The following CEP170 variants were observed in gnomAD, a reference collection of about 807,000 sequenced individuals.
CEP170 encodes centrosomal protein 170.
In CEP170, 21 loss-of-function variants were observed where a neutral mutation model predicts 151.9. The observed-to-expected ratio is 0.14, with a 90% CI of 0.10 to 0.20. The LOEUF is 0.20. Ranked by LOEUF, CEP170 falls within the 10% of genes least tolerant of loss-of-function variation. The probability of loss-of-function intolerance (pLI) is 1.00; values close to 1 mark genes in which losing one functional copy is unlikely to be tolerated. For missense variants in CEP170, 964 were observed against 1,892.9 expected (o/e 0.51, Z 9.11); for synonymous variants, 356 against 648.8 (o/e 0.55, Z 6.86).
chr1:243,205,900 C>A (rs1326785674), intron 4 of CEP170, among the ~76,000 whole-genome samples: 5 of 144,766 alleles, frequency 3.5e-5, no homozygotes, highest in Non-Finnish European at 7.6e-5. Flanking sequence ...CAACAAACCC[C>A]AAGGGAGGAA....
intron 12 of CEP170, among the ~76,000 whole-genome samples, chr1:243,167,978 T>C (rs1367694271): frequency 2.0e-5 from 3 of 152,022 alleles, no homozygotes; most frequent in South Asian, 4.1e-4. Flanking sequence ...TATGATGACA[T>C]AGAAATGAGA....
intron 1 of CEP170, among the ~76,000 whole-genome samples, chr1:243,247,889 T>C (rs2065570786): frequency 6.6e-6 from 1 of 152,200 alleles, no homozygotes; most frequent in Non-Finnish European, 1.5e-5. Context: ...ATACCTTTCA[T>C]TTGGTTTTTA....
chr1:243,199,590 C>T (rs1049956276), intron 6 of CEP170, among the ~76,000 whole-genome samples: 1 of 152,050 alleles, frequency 6.6e-6, no homozygotes, highest in Non-Finnish European at 1.5e-5. Context: ...AAGAACAAAA[C>T]CAGTCTGATC....
intron 4 of CEP170, among the ~76,000 whole-genome samples, chr1:243,205,890 C>T (rs1031707652): frequency 6.9e-6 from 1 of 144,946 alleles, no homozygotes; most frequent in Non-Finnish European, 1.5e-5. Flanking sequence ...TTTAGAAGGT[C>T]AACAAACCCC....
chr1:243,241,773 T>C (rs1281328710), intron 1 of CEP170, among the ~76,000 whole-genome samples: 1 of 147,108 alleles, frequency 6.8e-6, no homozygotes, highest in South Asian at 2.2e-4. Flanking sequence ...CTGGACAACA[T>C]AGTGAGACTC....
chr1:243,220,138 C>A (rs1257738007), intron 3 of CEP170, among the ~76,000 whole-genome samples: 1 of 152,164 alleles, frequency 6.6e-6, no homozygotes, highest in East Asian at 1.9e-4. Flanking sequence ...GCCTTTGTTT[C>A]ATCTCTTCAA....
At chr1:243,213,349 C>T (rs977077237) in intron 3 of CEP170, among the ~76,000 whole-genome samples, 12 of 152,202 alleles carry the variant, frequency 7.9e-5, no homozygotes, top group Admixed American at 2.0e-4. Context: ...AATCTTTATA[C>T]ATTTTGGGGT....
At chr1:243,222,005 A>G (rs6662118) in intron 2 of CEP170, among the ~76,000 whole-genome samples, 192 bp from the exon 3 acceptor site, 67,094 of 152,072 alleles carry the variant, frequency 0.44, 16,086 homozygotes, top group African/African-American at 0.64. Context: ...AAAGAGGAAA[A>G]CATAAAATTT....
intron 14 of CEP170, among the ~76,000 whole-genome samples, chr1:243,144,978 A>G (rs1213233637): frequency 6.6e-6 from 1 of 152,192 alleles, no homozygotes; most frequent in Non-Finnish European, 1.5e-5. Flanking sequence ...TGGTGAGATA[A>G]CATGAGAAAT....
chr1:243,233,082 T>C (rs531662952), intron 1 of CEP170, among the ~76,000 whole-genome samples: 1 of 152,334 alleles, frequency 6.6e-6, no homozygotes, highest in Non-Finnish European at 1.5e-5. Context: ...TATAGTCCTC[T>C]TCGGTTGTCT....
At chr1:243,238,044 G>A (rs1402308723) in intron 1 of CEP170, among the ~76,000 whole-genome samples, 4 of 152,144 alleles carry the variant, frequency 2.6e-5, no homozygotes, top group Admixed American at 2.6e-4. Context: ...TTAGGCTATG[G>A]ATGTTTAAAG....
intron 14 of CEP170, among the ~76,000 whole-genome samples, chr1:243,152,443 A>C (rs1206278943): frequency 1.3e-5 from 2 of 148,372 alleles, no homozygotes; most frequent in Non-Finnish European, 3.0e-5. Flanking sequence ...AGATCGTCTC[A>C]ATCTCCTGAC....
rs1572091201 is a variant in CEP170 at position 243,126,352 on chromosome 1, T to C, written c.*97A>G. 1.2e-5 allele frequency: 15 copies of C among 1,237,048 alleles called. No individual in the cohort carries two copies. In the East Asian group the frequency reaches 3.8e-4, roughly 31 times the overall value. 76.6% of individuals were successfully genotyped at this position (1,237,048 alleles called of 1,614,324 possible). A position where few individuals can be genotyped will look rare whatever the true frequency, so the allele number is the denominator to read the frequency against. On this transcript the variant is annotated 3_prime_UTR_variant, in exon 20 of 20. Transcript: ENST00000366542. The stretch of plus-strand genomic sequence containing the variant: ...AAGACAGGGATTCCAAGATTGTAGC[T>C]GACCAAGCTGTCTTGTTTTGCGTAC...
At chr1:243,127,364 C>A (rs538641442) in intron 19 of CEP170, among the ~76,000 whole-genome samples, 1 of 152,232 alleles carries the variant, frequency 6.6e-6, no homozygotes, top group Admixed American at 6.5e-5. Context: ...AGCTTTCAGT[C>A]CAAAAGATCT....
intron 19 of CEP170, among the ~76,000 whole-genome samples, 151 bp from the exon 20 acceptor site, chr1:243,126,889 T>C (rs1232519979): frequency 3.9e-5 from 6 of 152,226 alleles, no homozygotes. Flanking sequence ...CCATTCTTAG[T>C]TATTCTGTAG....
At chr1:243,140,396 T>C (rs3753544) in intron 15 of CEP170, 14,544 of 260,512 alleles carry the variant, frequency 0.056, 1,228 homozygotes, top group East Asian at 0.23. Context: ...GGAAAACAGA[T>C]GGTAAATAGA....
At chr1:243,154,433 T>C (rs1297707797) in intron 14 of CEP170, among the ~76,000 whole-genome samples, 1 of 152,238 alleles carries the variant, frequency 6.6e-6, no homozygotes, top group East Asian at 1.9e-4. Context: ...TATAGAAACA[T>C]TAAATATCCA....
At chr1:243,138,859 T>TAAA (rs2055452095) in intron 16 of CEP170, among the ~76,000 whole-genome samples, 1 of 152,204 alleles carries the variant, frequency 6.6e-6, no homozygotes, top group Non-Finnish European at 1.5e-5. Context: ...TGTGATGTCT[T>TAAA]TATTTTCAAC....
chr1:243,124,429 A>G lies in CEP170; in HGVS notation c.*2020T>C, dbSNP rs2148105366. ...GAAATAAAATATACAATCATTGTAT[A>G]AAGTTCCAGAAACACTTTATTTAAA... On this transcript the variant is annotated 3_prime_UTR_variant, in exon 20 of 20. Coordinates refer to ENST00000366542, the MANE Select transcript of CEP170 (RefSeq NM_014812.3). 1 of 152,770 alleles carries G rather than the reference A, an allele frequency of 6.5e-6. No individual in the cohort carries two copies. Among genetic ancestry groups the G allele is most frequent in the Non-Finnish European group, 1.5e-5 (1 of 68,008 alleles). The allele number at this position is 152,770 out of a possible 1,614,324, so 9.5% of individuals were successfully genotyped here.
Sources: gnomAD v4.1 joint callset for allele counts (sites outside exome capture counted in the v4.1 genomes callset) on GRCh38, gnomAD v4.1.1 for gene constraint, MANE v1.5 for transcripts, NCBI Gene and HGNC (gene_info 2026-07-23, HGNC 2026-07-21) for gene names.